Variants in COL25A1 observed in about 807,000 individuals in gnomAD.
The protein encoded by COL25A1 is collagen type XXV alpha 1 chain, also known as collagen alpha-1(XXV) chain.
A neutral mutation model predicts 128.4 loss-of-function variants in COL25A1; 103 were observed. That is an observed-to-expected ratio of 0.80 (90% CI 0.68 to 0.94). The LOEUF (loss-of-function observed/expected upper bound fraction) is 0.94. COL25A1 is among the 40% of genes least tolerant of loss of function. The pLI, the probability that COL25A1 is intolerant of heterozygous loss-of-function variation, is 0.00. For synonymous variants in COL25A1, 279 were observed against 277.2 expected (o/e 1.01, Z -0.06); for missense variants, 745 against 840.0 (o/e 0.89, Z 1.40).
At chr4:109,045,860 T>C (rs1760379006) in intron 5 of COL25A1, among the ~76,000 whole-genome samples, 1 of 152,202 alleles carries the variant, frequency 6.6e-6, no homozygotes, top group Non-Finnish European at 1.5e-5. Flanking sequence ...CTTTAAAATG[T>C]AGTCAAGGTG....
intron 19 of COL25A1, among the ~76,000 whole-genome samples, chr4:108,876,313 G>A (rs1401534358): frequency 6.6e-6 from 1 of 150,948 alleles, no homozygotes; most frequent in African/African-American, 2.4e-5. Flanking sequence ...AGGGAGGGAA[G>A]GAGAGGGAGA....
At chr4:108,910,683 C>T (rs1342184073) in intron 13 of COL25A1, among the ~76,000 whole-genome samples, 1 of 152,112 alleles carries the variant, frequency 6.6e-6, no homozygotes, top group East Asian at 1.9e-4. Context: ...CCTGGGTGAC[C>T]TTGGGCTTCT....
chr4:108,928,195 C>T (rs1746295990), intron 11 of COL25A1, among the ~76,000 whole-genome samples: 1 of 152,154 alleles, frequency 6.6e-6, no homozygotes, highest in Admixed American at 6.6e-5. Context: ...AAAAATATTT[C>T]CATTGAGCAG....
intron 3 of COL25A1, among the ~76,000 whole-genome samples, chr4:109,096,290 C>T (rs770374819): frequency 5.3e-5 from 8 of 152,136 alleles, no homozygotes; most frequent in Non-Finnish European, 8.8e-5. Flanking sequence ...ACACTTTGGT[C>T]AATGACAGAC....
In COL25A1 at chr4:108,868,412, A is replaced by C. The variant is rs1370224403; in HGVS notation, c.1083+676T>G. 2.6e-5 allele frequency among the ~76,000 whole-genome samples: 4 copies of C among 152,108 alleles called. No individual in the cohort carries two copies. The East Asian group carries it at 5.8e-4, about 22-fold the overall frequency. The stretch of plus-strand genomic sequence containing the variant: ...AAAATATATGGTCACCTAAATTACC[A>C]AGTTGTCCCACATTTCTTTCAACAT... On this transcript the variant is annotated intron_variant, in intron 20 of 37. Coordinates refer to ENST00000399132, the MANE Select transcript of COL25A1 (RefSeq NM_198721.4).
chr4:108,845,449 T>C (rs953712876), intron 28 of COL25A1, among the ~76,000 whole-genome samples, 198 bp from the exon 29 acceptor site: 7 of 152,210 alleles, frequency 4.6e-5, no homozygotes, highest in Non-Finnish European at 8.8e-5. Flanking sequence ...ATGGGTGATA[T>C]GTAGAATAAA....
chr4:108,983,284 A>C (rs1451604685), intron 6 of COL25A1, among the ~76,000 whole-genome samples: 1 of 152,200 alleles, frequency 6.6e-6, no homozygotes, highest in African/African-American at 2.4e-5. Context: ...GAAAGTATCA[A>C]CTTGCTCTTT....
At chr4:108,889,363 C>G in intron 17 of COL25A1, 107 bp from the exon 18 acceptor site, 2 of 997,864 alleles carry the variant, frequency 2.0e-6, no homozygotes, top group Non-Finnish European at 3.1e-6. Flanking sequence ...CTTCTTCAAC[C>G]ACATGTCTTT....
At chr4:108,999,954 C>G (rs112381085) in intron 6 of COL25A1, among the ~76,000 whole-genome samples, 1 of 151,788 alleles carries the variant, frequency 6.6e-6, no homozygotes, top group African/African-American at 2.4e-5. Flanking sequence ...CATCACACAC[C>G]GGGGCCTGTT....
chr4:108,940,777 A>G (rs1327309059), intron 9 of COL25A1, 131 bp from the exon 10 acceptor site: 8 of 615,200 alleles, frequency 1.3e-5, no homozygotes, highest in Admixed American at 3.5e-5. Flanking sequence ...AACCACAAAT[A>G]TAAAGCCTGT....
chr4:109,061,700 C>T (rs1224980441), intron 3 of COL25A1, among the ~76,000 whole-genome samples: 1 of 152,156 alleles, frequency 6.6e-6, no homozygotes, highest in African/African-American at 2.4e-5. Context: ...CTTGCAATCG[C>T]CTAGCCTCCC....
chr4:109,142,060 A>C (rs2126087194), intron 3 of COL25A1, among the ~76,000 whole-genome samples: 1 of 152,254 alleles, frequency 6.6e-6, no homozygotes, highest in East Asian at 1.9e-4. Flanking sequence ...TCCTGTGGGC[A>C]TTTAGTGCTA....
chr4:109,053,934 G>A (rs142737869), intron 3 of COL25A1, among the ~76,000 whole-genome samples: 26 of 152,280 alleles, frequency 1.7e-4, no homozygotes, highest in African/African-American at 6.3e-4. Flanking sequence ...GGGTGATTGT[G>A]CTTAGGTGCG....
chr4:108,886,479 TGTGTGTGTGTGTG>T lies in COL25A1; in HGVS notation c.976-2270_976-2258del, dbSNP rs1560806332. Among the ~76,000 whole-genome samples, 54 of 131,292 alleles carry T rather than the reference TGTGTGTGTGTGTG, an allele frequency of 4.1e-4. 1 individual carries two copies. Among genetic ancestry groups the T allele is most frequent in the African/African-American group, 9.1e-4 (33 of 36,274 alleles). 86.1% of individuals were successfully genotyped at this position (131,292 alleles called of 152,430 possible). ...GTGTGTGTGTGTGTGTGTGTGTGTG[TGTGTGTGTGTGTG>T]TTTAGCTCATCAGCTATTTTATGTG... On this transcript the variant is annotated intron_variant, in intron 18 of 37. Coordinates refer to ENST00000399132, the MANE Select transcript of COL25A1 (RefSeq NM_198721.4).
chr4:108,819,750 C>T, intron 35 of COL25A1: 1 of 866,204 alleles, frequency 1.2e-6, no homozygotes, highest in Non-Finnish European at 1.5e-6. Flanking sequence ...CTCCGGCTTG[C>T]TCTTCTCCCA....
At chr4:108,922,605 G>C (rs1476450211) in intron 11 of COL25A1, among the ~76,000 whole-genome samples, 1 of 151,930 alleles carries the variant, frequency 6.6e-6, no homozygotes. Context: ...TTCTAATTTG[G>C]TCTGTTGCAT....
At chr4:109,222,886 G>A (rs1463616410) in intron 3 of COL25A1, among the ~76,000 whole-genome samples, 1 of 152,190 alleles carries the variant, frequency 6.6e-6, no homozygotes, top group Non-Finnish European at 1.5e-5. Context: ...GGAAAGAAAT[G>A]TGATTAGTTT....
At chr4:109,030,075 C>A (rs1758690124) in intron 5 of COL25A1, among the ~76,000 whole-genome samples, 1 of 152,136 alleles carries the variant, frequency 6.6e-6, no homozygotes, top group South Asian at 2.1e-4. Context: ...TCCTTTACTT[C>A]CTCAGGATGA....
At chr4:108,991,101 G>A (rs570573619) in intron 6 of COL25A1, among the ~76,000 whole-genome samples, 1 of 152,286 alleles carries the variant, frequency 6.6e-6, no homozygotes, top group South Asian at 2.1e-4. Flanking sequence ...GTATAAAGAT[G>A]CAGTAATGAG....
Sources: allele counts gnomAD v4.1 joint callset (sites outside exome capture counted in the v4.1 genomes callset), GRCh38; gene constraint gnomAD v4.1.1; transcripts MANE v1.5; gene names NCBI Gene and HGNC (gene_info 2026-07-23, HGNC 2026-07-21).